The following MOB3B variants were observed in gnomAD, a reference collection of about 807,000 sequenced individuals.
The protein encoded by MOB3B is MOB kinase activator-like 2B.
MOB3B carries 7 observed loss-of-function variants against 18.7 expected under a neutral mutation model. The ratio of observed to expected loss-of-function variants is 0.37; its 90% confidence interval spans 0.21 to 0.70. The LOEUF (loss-of-function observed/expected upper bound fraction) is 0.70. MOB3B is among the 30% of genes least tolerant of loss of function. MOB3B has a pLI of 0.52. For missense variants in MOB3B, 253 were observed against 281.3 expected, an observed-to-expected ratio of 0.90 and a Z score of 0.72; for synonymous variants, 111 against 99.9, an observed-to-expected ratio of 1.11 and a Z score of -0.66.
At chr9:27,441,644 T>C (rs367562042) in intron 2 of MOB3B, among the ~76,000 whole-genome samples, 3 of 152,194 alleles carry the variant, frequency 2.0e-5, no homozygotes, top group Non-Finnish European at 4.4e-5. Context: ...TTATGAATCA[T>C]TTATTTCTGG....
At chr9:27,468,115 A>T (rs1177502907) in intron 1 of MOB3B, among the ~76,000 whole-genome samples, 3 of 152,192 alleles carry the variant, frequency 2.0e-5, no homozygotes, top group African/African-American at 7.2e-5. Flanking sequence ...ATCTGCAGAA[A>T]GTCTGTCTAC....
At chr9:27,457,697 T>C (rs934599058) in intron 1 of MOB3B, among the ~76,000 whole-genome samples, 1 of 152,004 alleles carries the variant, frequency 6.6e-6, no homozygotes, top group African/African-American at 2.4e-5. Flanking sequence ...GTGGGTTTTT[T>C]TTTTCCTATT....
intron 2 of MOB3B, among the ~76,000 whole-genome samples, chr9:27,371,282 C>T (rs779378478): frequency 2.6e-5 from 4 of 152,116 alleles, no homozygotes; most frequent in East Asian, 3.9e-4. Context: ...CCAACTTGAG[C>T]GGGGCTTTGC....
intron 2 of MOB3B, among the ~76,000 whole-genome samples, chr9:27,392,094 C>A (rs1821735303): frequency 6.6e-6 from 1 of 152,146 alleles, no homozygotes; most frequent in Admixed American, 6.5e-5. Flanking sequence ...CCCTCAGAGG[C>A]TTGCAAAAAA....
At chr9:27,475,639 A>G (rs1468109679) in intron 1 of MOB3B, among the ~76,000 whole-genome samples, 1 of 152,260 alleles carries the variant, frequency 6.6e-6, no homozygotes, top group East Asian at 1.9e-4. Flanking sequence ...GCAAAACAAC[A>G]TGTGACTTTT....
intron 2 of MOB3B, among the ~76,000 whole-genome samples, chr9:27,435,690 C>T (rs1822490269): frequency 6.6e-6 from 1 of 152,192 alleles, no homozygotes. Flanking sequence ...ACCTCCACCT[C>T]CTGAGTTCAA....
At chr9:27,404,698 T>C (rs893106245) in intron 2 of MOB3B, among the ~76,000 whole-genome samples, 3 of 152,160 alleles carry the variant, frequency 2.0e-5, no homozygotes, top group Middle Eastern at 3.2e-3. Flanking sequence ...TTAGGTTGAC[T>C]CCATATCTTG....
chr9:27,438,497 G>A (rs1320174197), intron 2 of MOB3B, among the ~76,000 whole-genome samples: 1 of 152,190 alleles, frequency 6.6e-6, no homozygotes, highest in Non-Finnish European at 1.5e-5. Context: ...AAAGTGCTGG[G>A]GCAAGAGGAC....
intron 2 of MOB3B, among the ~76,000 whole-genome samples, chr9:27,419,060 C>CAA (rs567613310): frequency 0.32 from 39,513 of 123,500 alleles, 6,130 homozygotes; most frequent in African/African-American, 0.4. Flanking sequence ...ACGATAGCTG[C>CAA]AAAAAAAAAA....
intron 3 of MOB3B, among the ~76,000 whole-genome samples, chr9:27,339,569 C>G (rs1046708314): frequency 6.6e-6 from 1 of 152,210 alleles, no homozygotes; most frequent in African/African-American, 2.4e-5. Context: ...TGCTGGACAT[C>G]ATTTCATTCA....
intron 2 of MOB3B, among the ~76,000 whole-genome samples, chr9:27,443,829 G>T (rs1388381651): frequency 6.6e-6 from 1 of 152,112 alleles, no homozygotes; most frequent in Non-Finnish European, 1.5e-5. Context: ...CCTGGTAGTT[G>T]TTAGACTTCA....
chr9:27,386,784 G>A (rs1821655387), intron 2 of MOB3B, among the ~76,000 whole-genome samples: 1 of 152,190 alleles, frequency 6.6e-6, no homozygotes, highest in Non-Finnish European at 1.5e-5. Context: ...GGCCAAGGCA[G>A]CAATCAAAGT....
At chr9:27,520,120 T>C (rs1820301496) in intron 1 of MOB3B, among the ~76,000 whole-genome samples, 1 of 152,196 alleles carries the variant, frequency 6.6e-6, no homozygotes, top group Non-Finnish European at 1.5e-5. Context: ...ACTTGTCTTT[T>C]CATGGAGAGC....
chr9:27,521,009 T>A (rs1820316266), intron 1 of MOB3B, among the ~76,000 whole-genome samples: 1 of 152,186 alleles, frequency 6.6e-6, no homozygotes, highest in Non-Finnish European at 1.5e-5. Context: ...CCATCTTTCC[T>A]TCTTTGTCAT....
chr9:27,500,766 A>G (rs1587261279), intron 1 of MOB3B, among the ~76,000 whole-genome samples: 1 of 152,230 alleles, frequency 6.6e-6, no homozygotes. Context: ...ATTAAACTAA[A>G]GAGCTTCTGC....
At chr9:27,469,361 C>T (rs2131465660) in intron 1 of MOB3B, among the ~76,000 whole-genome samples, 1 of 152,272 alleles carries the variant, frequency 6.6e-6, no homozygotes, top group African/African-American at 2.4e-5. Flanking sequence ...CATGCCCAAG[C>T]TTCTGTCTCT....
At chr9:27,437,981 T>C (rs62541576) in intron 2 of MOB3B, among the ~76,000 whole-genome samples, 26,580 of 152,162 alleles carry the variant, frequency 0.17, 2,642 homozygotes, top group Middle Eastern at 0.27. Context: ...CTGGACTAGA[T>C]GAAAAGGGGC....
chr9:27,486,053 C>T (rs1397280258), intron 1 of MOB3B, among the ~76,000 whole-genome samples: 1 of 152,140 alleles, frequency 6.6e-6, no homozygotes, highest in Admixed American at 6.5e-5. Flanking sequence ...GGGGGAGAAG[C>T]CATTAAACAC....
chr9:27,337,282 C>A (rs527477526), intron 3 of MOB3B, among the ~76,000 whole-genome samples: 70 of 152,378 alleles, frequency 4.6e-4, no homozygotes, highest in Non-Finnish European at 1.0e-4. Flanking sequence ...AATTCCACTT[C>A]TTAGAGACTT....
Sources: allele counts gnomAD v4.1 joint callset (sites outside exome capture counted in the v4.1 genomes callset), GRCh38; gene constraint gnomAD v4.1.1; transcripts MANE v1.5; gene names NCBI Gene and HGNC (gene_info 2026-07-23, HGNC 2026-07-21).